The following LLGL1 variants were observed in gnomAD, a reference collection of about 807,000 sequenced individuals.
LLGL1 encodes the protein lethal(2) giant larvae protein homolog 1.
LLGL1 carries 58 observed loss-of-function variants against 110.6 expected under a neutral mutation model. That is an observed-to-expected ratio of 0.52 (90% confidence interval 0.42 to 0.65). LLGL1 has a LOEUF of 0.65. Ranked by LOEUF, LLGL1 falls within the 30% of genes least tolerant of loss-of-function variation. LLGL1 has a pLI of 0.00. For missense variants in LLGL1, 1,229 were observed against 1,462.1 expected, an observed-to-expected ratio of 0.84 and a Z score of 2.60; for synonymous variants, 674 against 607.2, an observed-to-expected ratio of 1.11 and a Z score of -1.62.
intron 19 of LLGL1, 48 bp downstream of exon 19, chr17:18,242,047 A>C (rs1441041589): frequency 6.4e-7 from 1 of 1,562,368 alleles, no homozygotes. Context: ...GCCCAGGGCC[A>C]GGTCTCATCC....
intron 4 of LLGL1, among the ~76,000 whole-genome samples, chr17:18,233,215 C>G (rs2047607414): frequency 6.6e-6 from 1 of 152,104 alleles, no homozygotes; most frequent in Admixed American, 6.5e-5. Context: ...CCTTTCTGTG[C>G]ATAGGCAGGG....
chr17:18,240,602 G>A lies in LLGL1; in HGVS notation c.2231G>A (p.Trp744Ter). Residue 744 changes from tryptophan (W) to a stop codon, truncating the protein, a stop_gained, in exon 17 of 23, where the codon TGG becomes TAG. Coordinates refer to ENST00000316843, the MANE Select transcript of LLGL1 (RefSeq NM_004140.4). LOFTEE classifies it high-confidence loss of function. The surrounding 1 kb of genome is among the most constrained non-coding windows in gnomAD (Gnocchi z 5.3). ...GGGGCCCACCACGGGCCCACCATGTGGGCTGGCACCAACTCAGGCTCTGTG... is the reference window on the plus strand; with the variant it reads ...GGGGCCCACCACGGGCCCACCATGTAGGCTGGCACCAACTCAGGCTCTGTG... ...RDGAHHGPTM[W>*]AGTNSGSVFA... 1 of 1,602,184 alleles carries A rather than the reference G, an allele frequency of 6.2e-7. No individual in the cohort carries two copies. Among genetic ancestry groups the A allele is most frequent in the Non-Finnish European group, 8.5e-7 (1 of 1,171,760 alleles).
In LLGL1 at chr17:18,232,758, A is replaced by C. The variant is rs1597863659; in HGVS notation, c.348A>C (p.Ala116=). ...HHNGCAHLEE[A]LSFQLPSRPG... ...ATGGCTGTGCCCACCTGGAAGAAGC[A>C]CTCAGTTTCCAGCTGCCCAGCCGGC... is the stretch of plus-strand genomic sequence containing the variant. The change falls in exon 4 of 23, where the codon GCA becomes GCC. Residue 116 remains alanine (A), a synonymous_variant. Transcript: ENST00000316843. The C allele has an allele frequency of 6.2e-7, 1 of 1,614,020 alleles. No individual in the cohort carries two copies. Among genetic ancestry groups the C allele is most frequent in the Middle Eastern group, 1.6e-4 (1 of 6,062 alleles).
rs2047674033 is a variant in LLGL1 at position 18,235,523 on chromosome 17, G to A, written c.1338G>A (p.Gly446=). The A allele has an allele frequency of 6.2e-7, 1 of 1,613,886 alleles. No homozygotes were observed. The highest frequency in any genetic ancestry group is 1.1e-5 in the South Asian group (1 of 91,072). Residue 446 remains glycine (G), a synonymous_variant, in exon 11 of 23, where the codon GGG becomes GGA. Coordinates refer to ENST00000316843, the MANE Select transcript of LLGL1 (RefSeq NM_004140.4). ...RNLAQEPSQR[G]LLLTGHEDGT... The stretch of plus-strand genomic sequence containing the variant: ...TGGCCCAGGAGCCGTCACAGCGAGG[G>A]CTGCTGCTGACGGGGTAGGTGTGCG...
intron 1 of LLGL1, among the ~76,000 whole-genome samples, chr17:18,228,376 C>T (rs2047497910): frequency 6.6e-6 from 1 of 152,178 alleles, no homozygotes; most frequent in Non-Finnish European, 1.5e-5. Context: ...GCACAAGCCT[C>T]CCTTAGCTGG....
Position 18,234,164 on chromosome 17 carries a change from C to G in LLGL1, c.703C>G (p.Leu235Val). The G allele has an allele frequency of 1.2e-6, 2 of 1,602,292 alleles. No homozygotes were observed. The highest frequency in any genetic ancestry group is 2.7e-5 in the African/African-American group (2 of 74,908). Residue 235 changes from leucine to valine, a missense_variant, in exon 6 of 23, where the codon CTG becomes GTG. Physicochemically the swap from Leu to Val is conservative, Grantham distance 32. Coordinates refer to ENST00000316843, the MANE Select transcript of LLGL1 (RefSeq NM_004140.4). ...QASQCVDHIF[L>V]GNQQLESLCW... ...CTCGCAGTGTGTGGACCACATCTTC[C>G]TGGGGAACCAGGTATGTAGGTGAGG...
intron 4 of LLGL1, among the ~76,000 whole-genome samples, chr17:18,233,166 A>G (rs1437054918): frequency 6.6e-6 from 1 of 152,176 alleles, no homozygotes; most frequent in Non-Finnish European, 1.5e-5. Flanking sequence ...AGTAACAGGA[A>G]GGGTCCCCTG....
chr17:18,237,087 G>A (rs1180644572), intron 13 of LLGL1, 148 bp downstream of exon 13: 1 of 685,052 alleles, frequency 1.5e-6, no homozygotes, highest in African/African-American at 1.8e-5. Context: ...CTGGGGTGAG[G>A]ACAGATGGGA....
chr17:18,227,258 A>T (rs2047465411), intron 1 of LLGL1, among the ~76,000 whole-genome samples: 1 of 152,152 alleles, frequency 6.6e-6, no homozygotes, highest in Non-Finnish European at 1.5e-5. Flanking sequence ...GGAACCTGAG[A>T]GGGGCCCAGA....
intron 1 of LLGL1, among the ~76,000 whole-genome samples, chr17:18,228,457 CT>C (rs1380810533): frequency 6.6e-6 from 1 of 152,178 alleles, no homozygotes; most frequent in Non-Finnish European, 1.5e-5. Flanking sequence ...TCCCTCTGGC[CT>C]CTGTGGGAAC....
Position 18,241,886 on chromosome 17 carries a change from C to T in LLGL1, c.2769C>T (p.Gly923=). 1 of 1,612,964 alleles carries T rather than the reference C, an allele frequency of 6.2e-7. No homozygotes were observed. The highest frequency in any genetic ancestry group is 8.5e-7 in the Non-Finnish European group (1 of 1,178,916). Residue 923 remains glycine, a splice_region_variant and synonymous_variant, in exon 19 of 23, where the codon GGC becomes GGT. Transcript: ENST00000316843. ...CTCCTCATTCTTCTGCCCACCCAGG[C>T]TTTTACCTGATATCCCCATCAGAAT... is the stretch of plus-strand genomic sequence containing the variant. ...ASCVFTRHGQ[G]FYLISPSEFE...
At chr17:18,242,316 A>G (rs369008118) in intron 20 of LLGL1, 38 bp downstream of exon 20, 1,648 of 1,580,550 alleles carry the variant, frequency 1.0e-3, no homozygotes, top group Non-Finnish European at 1.3e-3. Flanking sequence ...CCCTGGCCCC[A>G]CGGTGCCCTG....
In LLGL1 at chr17:18,244,785, T is replaced by C; in HGVS notation, c.*879T>C. On this transcript the variant is annotated 3_prime_UTR_variant, in exon 23 of 23. Coordinates refer to ENST00000316843, the MANE Select transcript of LLGL1 (RefSeq NM_004140.4). ...CCCTGTAGATTGTACCTTGGGGTTT[T>C]TTTCTGTCGTTTTGTTAAAATTAGC... 1 of 278,110 alleles carries C rather than the reference T, an allele frequency of 3.6e-6. No individual in the cohort carries two copies. The highest frequency in any genetic ancestry group is 1.6e-4 in the South Asian group (1 of 6,066). The allele number at this position is 278,110 out of a possible 1,614,324, so 17.2% of individuals were successfully genotyped here.
At chr17:18,241,794 G>C (rs568427461) in intron 18 of LLGL1, 79 bp downstream of exon 18, 1 of 1,607,622 alleles carries the variant, frequency 6.2e-7, no homozygotes, top group East Asian at 2.2e-5. Flanking sequence ...GGAGCAGGAA[G>C]GGCACTCCAG....
intron 4 of LLGL1, among the ~76,000 whole-genome samples, chr17:18,233,181 C>T (rs1274202604): frequency 2.6e-5 from 4 of 152,168 alleles, no homozygotes; most frequent in Non-Finnish European, 5.9e-5. Flanking sequence ...CCCCTGGCCT[C>T]TTCAGTTGTG....
chr17:18,242,944 C>G (rs1415865714), intron 22 of LLGL1, 122 bp downstream of exon 22: 2 of 911,780 alleles, frequency 2.2e-6, no homozygotes, highest in Non-Finnish European at 3.2e-6. Context: ...TGATGGCACT[C>G]TCTGAAACCT....
chr17:18,229,321 G>GC (rs1231039669), intron 1 of LLGL1, among the ~76,000 whole-genome samples: 1 of 152,140 alleles, frequency 6.6e-6, no homozygotes, highest in Non-Finnish European at 1.5e-5. Flanking sequence ...CCAGCTGTTG[G>GC]CAGGTGGGGA....
rs2047859598 is a variant in LLGL1, at chr17:18,242,383, G to A, written c.2995+105G>A. ...GATCGGGCAGGCTTCTGTAGGAGAT[G>A]GGTGGTTGTGTGCTCACTGGTGCCA... is the stretch of plus-strand genomic sequence containing the variant. On this transcript the variant is annotated intron_variant, in intron 20 of 22. Coordinates refer to ENST00000316843, the MANE Select transcript of LLGL1 (RefSeq NM_004140.4). 5 of 1,540,288 alleles carry A rather than the reference G, an allele frequency of 3.2e-6. No individual in the cohort carries two copies. In the Admixed American group the frequency reaches 6.8e-5, roughly 21 times the overall value.
chr17:18,226,734 G>A (rs2047452584), intron 1 of LLGL1, among the ~76,000 whole-genome samples: 1 of 152,234 alleles, frequency 6.6e-6, no homozygotes. Flanking sequence ...TGGGACACTA[G>A]GGGCCAGGGA....
Sources: gnomAD v4.1 joint callset for allele counts (sites outside exome capture counted in the v4.1 genomes callset) on GRCh38, gnomAD v4.1.1 for gene constraint, Gnocchi (gnomAD v3.1) non-coding constraint, MANE v1.5 for transcripts, NCBI Gene and HGNC (gene_info 2026-07-23, HGNC 2026-07-21) for gene names.